The following NLRP11 variants were observed in gnomAD, a reference collection of about 807,000 sequenced individuals.
NLRP11 encodes NACHT, LRR and PYD domains-containing protein 11.
A neutral mutation model predicts 79.3 loss-of-function variants in NLRP11; 53 were observed. The observed-to-expected ratio is 0.67, with a 90% CI of 0.54 to 0.84. The LOEUF is 0.84. Ranked by LOEUF, NLRP11 falls within the 40% of genes least tolerant of loss-of-function variation. NLRP11 has a pLI of 0.00. For synonymous variants in NLRP11, 518 were observed against 462.6 expected, an observed-to-expected ratio of 1.12 and a Z score of -1.54; for missense variants, 1,264 against 1,255.0, an observed-to-expected ratio of 1.01 and a Z score of -0.11.
exon 3 of NLRP11, chr19:55,810,046 A>G (rs200272652): frequency 4.2e-5 from 68 of 1,613,978 alleles, no homozygotes; most frequent in Non-Finnish European, 6.8e-6. Flanking sequence ...TTATTTCGTG[A>G]GCAGTGAGGT....
intron 1 of NLRP11, among the ~76,000 whole-genome samples, chr19:55,831,096 C>CCCACCCCG (rs1197602205): frequency 2.6e-4 from 1 of 3,806 alleles, no homozygotes; most frequent in Non-Finnish European, 5.0e-4. Flanking sequence ...AGACCCACCG[C>CCCACCCCG]CCCACCCCCC....
rs751156777 is a variant in NLRP11, at chr19:55,817,910, G to C, written c.265C>G (p.Arg89Gly). 4.4e-6 allele frequency: 7 copies of C among 1,599,746 alleles called. No homozygotes were observed. In the South Asian group the frequency reaches 7.8e-5, roughly 18 times the overall value. ...TTCTCGTGACCCCACTCACGGTTTCGTCTGCCAATGATCTTCCTACAAAGA... is the reference window on the plus strand; with the variant it reads ...TTCTCGTGACCCCACTCACGGTTTCCTCTGCCAATGATCTTCCTACAAAGA... The change falls in exon 2 of 10, where the codon CGA becomes GGA. Residue 89 changes from arginine (R) to glycine (G), a missense_variant. Transcript: ENST00000589093.
chr19:55,828,940 A>T (rs553601757), intron 1 of NLRP11, among the ~76,000 whole-genome samples: 1 of 152,338 alleles, frequency 6.6e-6, no homozygotes, highest in South Asian at 2.1e-4. Flanking sequence ...GTTATTAAGA[A>T]TTCTATTCAC....
At chr19:55,813,361 T>C (rs1042495441) in intron 2 of NLRP11, among the ~76,000 whole-genome samples, 2 of 152,144 alleles carry the variant, frequency 1.3e-5, no homozygotes, top group South Asian at 2.1e-4. Flanking sequence ...TCTTGACCTG[T>C]AGTTTCCTCT....
chr19:55,797,318 A>T (rs965625806), intron 5 of NLRP11, among the ~76,000 whole-genome samples: 2 of 152,136 alleles, frequency 1.3e-5, no homozygotes, highest in Non-Finnish European at 1.5e-5. Context: ...TAAATAAAAT[A>T]AGTAGAATAA....
chr19:55,800,479 T>A (rs1184696306), intron 5 of NLRP11, among the ~76,000 whole-genome samples: 4 of 152,120 alleles, frequency 2.6e-5, no homozygotes, highest in Non-Finnish European at 5.9e-5. Flanking sequence ...GGCTAATTTT[T>A]GTATTTTTAG....
At chr19:55,835,955 C>T (rs1011712590), upstream of NLRP11, among the ~76,000 whole-genome samples, 8 of 152,240 alleles carry the variant, frequency 5.3e-5, no homozygotes, top group African/African-American at 1.9e-4. Context: ...GAAAGCCCGT[C>T]TCTACTGAAA....
At chr19:55,820,695 G>T (rs1259629939) in intron 1 of NLRP11, among the ~76,000 whole-genome samples, 1 of 151,930 alleles carries the variant, frequency 6.6e-6, no homozygotes, top group Non-Finnish European at 1.5e-5. Flanking sequence ...TCTTAACTCA[G>T]AAAAAAAGTC....
chr19:55,809,672 A>T lies in NLRP11; in HGVS notation c.938T>A (p.Phe313Tyr). Residue 313 changes from phenylalanine (F) to tyrosine (Y), a missense_variant, in exon 3 of 10, where the codon TTT becomes TAT. Phe to Tyr is a conservative substitution (Grantham distance 22). Transcript: ENST00000589093. The surrounding 1 kb of genome is among the most constrained non-coding windows in gnomAD (Gnocchi z 4.5). ...TGCCGACGCCCTCTGGCGGTCTTTA[A>T]AGAAAGAGTTAAAATATATCTCCCT... 1 of 1,614,062 alleles carries T rather than the reference A, an allele frequency of 6.2e-7. No homozygotes were observed. Among genetic ancestry groups the T allele is most frequent in the Non-Finnish European group, 8.5e-7 (1 of 1,179,962 alleles).
At chr19:55,799,189 C>G (rs1600181138) in intron 5 of NLRP11, among the ~76,000 whole-genome samples, 2 of 152,190 alleles carry the variant, frequency 1.3e-5, no homozygotes, top group South Asian at 4.1e-4. Flanking sequence ...ATTGCTTGAA[C>G]CCGGGAGGCA....
At chr19:55,790,148 T>C (rs1990147653) in intron 7 of NLRP11, among the ~76,000 whole-genome samples, 1 of 152,208 alleles carries the variant, frequency 6.6e-6, no homozygotes, top group African/African-American at 2.4e-5. Context: ...ACATTGACCT[T>C]GCTTAGAGAT....
chr19:55,818,234 G>A lies in NLRP11; in HGVS notation c.-60C>T, dbSNP rs541165470. The A allele has an allele frequency of 6.8e-4, 937 of 1,372,688 alleles. 1 individual carries two copies. Among genetic ancestry groups the A allele is most frequent in the Non-Finnish European group, 9.1e-4 (898 of 990,708 alleles). The allele number at this position is 1,372,688 out of a possible 1,614,324, so 85.0% of individuals were successfully genotyped here. ...GGATTTTGAGGCACAAGAAATATGAGATCTAAAAATAGATGTGGAATCAGA... is the reference window on the plus strand; with the variant it reads ...GGATTTTGAGGCACAAGAAATATGAAATCTAAAAATAGATGTGGAATCAGA... On this transcript the variant is annotated splice_region_variant and 5_prime_UTR_variant, in exon 2 of 10. Transcript: ENST00000589093.
chr19:55,800,368 C>T (rs927869680), intron 5 of NLRP11, among the ~76,000 whole-genome samples: 1 of 152,134 alleles, frequency 6.6e-6, no homozygotes, highest in African/African-American at 2.4e-5. Flanking sequence ...CGTGCAGCGG[C>T]GCCATCTCAG....
intron 4 of NLRP11, among the ~76,000 whole-genome samples, chr19:55,806,106 G>T (rs990419105): frequency 6.6e-6 from 1 of 152,206 alleles, no homozygotes; most frequent in Non-Finnish European, 1.5e-5. Flanking sequence ...GCCTTCGCTA[G>T]TTTCTGCTTT....
At chr19:55,808,840 G>T in exon 3 of NLRP11, 1 of 1,613,904 alleles carries the variant, frequency 6.2e-7, no homozygotes, top group Non-Finnish European at 8.5e-7. Flanking sequence ...GTGTCCTCAG[G>T]TGACAGCAGT....
At chr19:55,817,061 G>A (rs1309985889) in intron 2 of NLRP11, among the ~76,000 whole-genome samples, 1 of 151,930 alleles carries the variant, frequency 6.6e-6, no homozygotes, top group East Asian at 1.9e-4. Context: ...GATAGTCCTT[G>A]AAAAAATGAA....
intron 5 of NLRP11, 94 bp from the exon 6 acceptor site, chr19:55,796,344 G>C (rs1978869404): frequency 1.1e-6 from 1 of 948,552 alleles, no homozygotes; most frequent in Non-Finnish European, 1.6e-6. Context: ...ACCTAACCAA[G>C]TGCGATGATG....
exon 9 of NLRP11, chr19:55,788,908 T>C: frequency 2.5e-6 from 4 of 1,613,974 alleles, no homozygotes; most frequent in Non-Finnish European, 3.4e-6. Flanking sequence ...GTCTTTCTAG[T>C]GTTTTGTTGG....
chr19:55,816,931 G>A (rs1981175352), intron 2 of NLRP11, among the ~76,000 whole-genome samples: 1 of 152,124 alleles, frequency 6.6e-6, no homozygotes, highest in Non-Finnish European at 1.5e-5. Context: ...CTGAAGACTG[G>A]TTCTTTGGGG....
Sources: gnomAD v4.1 joint callset for allele counts (sites outside exome capture counted in the v4.1 genomes callset) on GRCh38, gnomAD v4.1.1 for gene constraint, Gnocchi (gnomAD v3.1) non-coding constraint, MANE v1.5 for transcripts, NCBI Gene and HGNC (gene_info 2026-07-23, HGNC 2026-07-21) for gene names.